The following IQCM variants were observed in gnomAD, a reference collection of about 807,000 sequenced individuals.
The protein encoded by IQCM is IQ domain-containing protein M.
Under a neutral mutation model 57.6 loss-of-function variants are expected in IQCM, and 45 were observed. That is an observed-to-expected ratio of 0.78 (90% CI 0.62 to 1.00). IQCM has a LOEUF of 1.00. IQCM is among the 50% of genes least tolerant of loss of function. The pLI, the probability that IQCM is intolerant of heterozygous loss-of-function variation, is 0.00. For synonymous variants in IQCM, 148 were observed against 158.9 expected (o/e 0.93, Z 0.51); for missense variants, 468 against 511.6 (o/e 0.91, Z 0.82).
In IQCM at chr4:149,500,153, A is replaced by G. The variant is rs530125042; in HGVS notation, c.1228+48302T>C. ...AATGACCTTTCATTTAGTATTTGAA[A>G]GGTAAAGAATCCAATATAACAATAA... On this transcript the variant is annotated intron_variant, in intron 12 of 13. Transcript: ENST00000636793. Among the ~76,000 whole-genome samples the G allele has an allele frequency of 3.9e-5, 6 of 152,338 alleles. No individual in the cohort carries two copies. In the South Asian group the frequency reaches 1.2e-3, roughly 32 times the overall value.
chr4:149,712,346 TCACACA>T (rs35704697), intron 5 of IQCM, among the ~76,000 whole-genome samples: 3 of 147,764 alleles, frequency 2.0e-5, no homozygotes, highest in Non-Finnish European at 4.5e-5. Context: ...CTGTCAATGT[TCACACA>T]CACACACACA....
At chr4:149,746,061 C>A (rs925505125) in intron 2 of IQCM, among the ~76,000 whole-genome samples, 1 of 150,644 alleles carries the variant, frequency 6.6e-6, no homozygotes, top group Non-Finnish European at 1.5e-5. Context: ...AAAGCCTTAT[C>A]GTAATTAGCA....
At chr4:149,692,013 A>AGTGT (rs1258422320) in intron 5 of IQCM, among the ~76,000 whole-genome samples, 1 of 152,190 alleles carries the variant, frequency 6.6e-6, no homozygotes, top group Non-Finnish European at 1.5e-5. Flanking sequence ...AGAGACAATT[A>AGTGT]GTACTCACCA....
chr4:149,377,912 C>T (rs748141225), intron 13 of IQCM, among the ~76,000 whole-genome samples: 1 of 152,110 alleles, frequency 6.6e-6, no homozygotes, highest in Non-Finnish European at 1.5e-5. Flanking sequence ...TTGGCTGTGT[C>T]CTCACCCAAA....
chr4:149,588,716 G>A (rs944516027), intron 8 of IQCM, among the ~76,000 whole-genome samples: 3 of 151,632 alleles, frequency 2.0e-5, no homozygotes, highest in African/African-American at 7.3e-5. Flanking sequence ...CCAACCCCAC[G>A]GACACCTTAA....
chr4:149,364,359 T>C (rs1420461743), intron 13 of IQCM, among the ~76,000 whole-genome samples: 1 of 152,112 alleles, frequency 6.6e-6, no homozygotes, highest in Admixed American at 6.5e-5. Context: ...CAAGGTGGTA[T>C]AAGGAGAGCT....
intron 12 of IQCM, among the ~76,000 whole-genome samples, chr4:149,496,534 T>C (rs1023445627): frequency 1.3e-5 from 2 of 151,900 alleles, no homozygotes; most frequent in Non-Finnish European, 2.9e-5. Flanking sequence ...GAGGAAGAGA[T>C]ATGAAGCTGG....
chr4:149,367,987 T>C (rs879842665), intron 13 of IQCM, among the ~76,000 whole-genome samples: 1 of 152,066 alleles, frequency 6.6e-6, no homozygotes, highest in Non-Finnish European at 1.5e-5. Flanking sequence ...TATTAGATTG[T>C]GTCCTTGTTC....
chr4:149,780,531 T>TTA (rs371081838), intron 2 of IQCM, among the ~76,000 whole-genome samples: 4,861 of 138,204 alleles, frequency 0.035, 188 homozygotes, highest in African/African-American at 0.093. Context: ...AATATGTAAG[T>TTA]TATATATATA....
chr4:149,578,409 T>C (rs375461060), intron 9 of IQCM, among the ~76,000 whole-genome samples: 2 of 151,928 alleles, frequency 1.3e-5, no homozygotes, highest in East Asian at 2.0e-4. Flanking sequence ...AGGGTGTTTA[T>C]GCCAAAGGCG....
intron 12 of IQCM, among the ~76,000 whole-genome samples, chr4:149,526,491 A>C (rs1746175752): frequency 6.6e-6 from 1 of 152,028 alleles, no homozygotes; most frequent in Non-Finnish European, 1.5e-5. Flanking sequence ...CACTGTGAAA[A>C]ATTTCAAAGA....
chr4:149,648,526 A>T (rs1242483081), intron 7 of IQCM, among the ~76,000 whole-genome samples: 1 of 152,228 alleles, frequency 6.6e-6, no homozygotes, highest in Non-Finnish European at 1.5e-5. Flanking sequence ...TCTTTATAGC[A>T]GCATGATTTA....
intron 2 of IQCM, among the ~76,000 whole-genome samples, chr4:149,762,233 GAA>G (rs566639010): frequency 1.4e-5 from 2 of 142,696 alleles, no homozygotes; most frequent in East Asian, 2.0e-4. Flanking sequence ...GCTCAGTGAT[GAA>G]AAAAAAAAAG....
chr4:149,798,586 G>C (rs935614290), intron 2 of IQCM, among the ~76,000 whole-genome samples: 2 of 151,914 alleles, frequency 1.3e-5, no homozygotes, highest in Non-Finnish European at 2.9e-5. Context: ...CCCATTATCT[G>C]TTGCCTACAA....
rs944035382 is a variant in IQCM, at chr4:149,707,251, G to A, written c.386-20783C>T. On this transcript the variant is annotated intron_variant, in intron 5 of 13. Transcript: ENST00000636793. ...AGTGCCTGCCATGTCATTTATTTGT[G>A]ATTTTAGCTTCTTATTCAAATACAC... Among the ~76,000 whole-genome samples the A allele has an allele frequency of 3.3e-5, 5 of 152,004 alleles. No individual in the cohort carries two copies. The East Asian group carries it at 7.7e-4, about 23-fold the overall frequency.
At chr4:149,550,581 C>G (rs1173625633) in intron 11 of IQCM, among the ~76,000 whole-genome samples, 2 of 152,012 alleles carry the variant, frequency 1.3e-5, no homozygotes, top group Admixed American at 6.5e-5. Flanking sequence ...ATATTATGCC[C>G]TATGAGCAAA....
At chr4:149,543,958 C>G (rs2149883845) in intron 12 of IQCM, among the ~76,000 whole-genome samples, 1 of 152,180 alleles carries the variant, frequency 6.6e-6, no homozygotes, top group Admixed American at 6.5e-5. Flanking sequence ...TAGGATATAG[C>G]AGTGGCAAAA....
chr4:149,356,597 G>A (rs1213290603), intron 13 of IQCM, among the ~76,000 whole-genome samples: 1 of 152,046 alleles, frequency 6.6e-6, no homozygotes, highest in African/African-American at 2.4e-5. Flanking sequence ...CTGTTTCATT[G>A]GTCTATATCT....
intron 12 of IQCM, among the ~76,000 whole-genome samples, chr4:149,483,297 T>C (rs1741114516): frequency 6.6e-6 from 1 of 151,896 alleles, no homozygotes; most frequent in African/African-American, 2.4e-5. Flanking sequence ...TCATTATTTC[T>C]TTTCTTCTCC....
Sources: gnomAD v4.1 joint callset for allele counts (sites outside exome capture counted in the v4.1 genomes callset) on GRCh38, gnomAD v4.1.1 for gene constraint, MANE v1.5 for transcripts, NCBI Gene and HGNC (gene_info 2026-07-23, HGNC 2026-07-21) for gene names.